The following ERI3 variants were observed in gnomAD, a reference collection of about 807,000 sequenced individuals.
The protein encoded by ERI3 is ERI1 exoribonuclease 3.
A neutral mutation model predicts 44.4 loss-of-function variants in ERI3; 18 were observed. The observed-to-expected ratio is 0.41, with a 90% CI of 0.28 to 0.60. The LOEUF (loss-of-function observed/expected upper bound fraction) is 0.60, where lower values mean the gene tolerates loss of function less well. ERI3 is among the 20% of genes least tolerant of loss of function. ERI3 has a pLI of 0.36. For synonymous variants in ERI3, 183 were observed against 164.8 expected, an observed-to-expected ratio of 1.11 and a Z score of -0.84; for missense variants, 294 against 435.5, an observed-to-expected ratio of 0.68 and a Z score of 2.89.
intron 7 of ERI3, among the ~76,000 whole-genome samples, chr1:44,259,689 G>GACACACAGACAC (rs1553185530): frequency 3.6e-5 from 5 of 140,282 alleles, no homozygotes; most frequent in African/African-American, 8.3e-5. Flanking sequence ...AAAACACACA[G>GACACACAGACAC]ACACACACAC....
chr1:44,319,918 C>A (rs1287548376), intron 3 of ERI3, among the ~76,000 whole-genome samples, 174 bp from the exon 4 acceptor site: 1 of 152,220 alleles, frequency 6.6e-6, no homozygotes, highest in East Asian at 1.9e-4. Flanking sequence ...AGTTACAATC[C>A]TAACCTTCCC....
intron 8 of ERI3, among the ~76,000 whole-genome samples, chr1:44,240,047 C>T (rs1184464840): frequency 2.6e-5 from 4 of 152,256 alleles, no homozygotes; most frequent in Non-Finnish European, 4.4e-5. Flanking sequence ...TGGGAGGGTA[C>T]AGCAGGGACC....
At chr1:44,336,210 T>G (rs1431357302) in intron 3 of ERI3, among the ~76,000 whole-genome samples, 2 of 152,206 alleles carry the variant, frequency 1.3e-5, no homozygotes, top group South Asian at 2.1e-4. Context: ...GAACCGGACC[T>G]ATGTTGACCT....
intron 2 of ERI3, among the ~76,000 whole-genome samples, chr1:44,347,879 TTGTGTGTGTGTG>T (rs113526509): frequency 4.0e-5 from 6 of 148,786 alleles, no homozygotes; most frequent in African/African-American, 7.4e-5. Flanking sequence ...GATTGTTTTG[TTGTGTGTGTGTG>T]TGTGTGTGTG....
chr1:44,284,697 G>T, intron 7 of ERI3, 138 bp downstream of exon 7: 1 of 680,092 alleles, frequency 1.5e-6, no homozygotes. Context: ...ATTAGCTAAG[G>T]AAAAGGATGA....
At chr1:44,253,589 C>T (rs1644725244) in intron 7 of ERI3, among the ~76,000 whole-genome samples, 1 of 152,208 alleles carries the variant, frequency 6.6e-6, no homozygotes, top group Admixed American at 6.5e-5. Context: ...CTCTGACATA[C>T]CTACCATCAA....
intron 6 of ERI3, among the ~76,000 whole-genome samples, chr1:44,293,804 C>T (rs968342865): frequency 6.6e-6 from 1 of 152,228 alleles, no homozygotes; most frequent in Non-Finnish European, 1.5e-5. Context: ...TCACTGTCTC[C>T]TGTGTGTCCT....
intron 5 of ERI3, among the ~76,000 whole-genome samples, chr1:44,310,951 T>G (rs1410057086): frequency 1.1e-5 from 1 of 95,024 alleles, no homozygotes; most frequent in African/African-American, 4.2e-5. Context: ...TATGTGCACA[T>G]CGCGCGCGCG....
At position 44,355,235 on chromosome 1, in the gene ERI3, A is replaced by ACGAGTCCACAACACAC; in HGVS notation, c.-225_-210dup. ...CGCCTGAACAGCGGCAGCCAGCACC[A>ACGAGTCCACAACACAC]CGAGTCCACAACACACCGACTCACC... On this transcript the variant is annotated 5_prime_UTR_variant, in exon 1 of 9. Coordinates refer to ENST00000372257, the MANE Select transcript of ERI3 (RefSeq NM_024066.3). 1 of 1,178,972 alleles carries ACGAGTCCACAACACAC rather than the reference A, an allele frequency of 8.5e-7. No individual in the cohort carries two copies. Among genetic ancestry groups the ACGAGTCCACAACACAC allele is most frequent in the Non-Finnish European group, 1.0e-6 (1 of 954,362 alleles). The allele number at this position is 1,178,972 out of a possible 1,614,324, so 73.0% of individuals were successfully genotyped here.
At chr1:44,354,503 T>C (rs2154332771) in intron 1 of ERI3, 1 of 985,426 alleles carries the variant, frequency 1.0e-6, no homozygotes, top group Middle Eastern at 5.2e-4. Flanking sequence ...GTTAGGCCCT[T>C]ATTCACTCCT....
intron 6 of ERI3, among the ~76,000 whole-genome samples, chr1:44,285,982 G>A (rs751589567): frequency 2.6e-5 from 4 of 152,170 alleles, no homozygotes; most frequent in African/African-American, 9.6e-5. Context: ...GAGAGAAACA[G>A]TAGTGGAAAA....
intron 4 of ERI3, among the ~76,000 whole-genome samples, chr1:44,314,610 G>A (rs1323061697): frequency 2.6e-5 from 4 of 152,176 alleles, no homozygotes; most frequent in African/African-American, 9.7e-5. Context: ...GAACTGCCCA[G>A]TAGAGGGAGG....
chr1:44,264,022 T>C (rs1233243461), intron 7 of ERI3, among the ~76,000 whole-genome samples: 3 of 152,152 alleles, frequency 2.0e-5, no homozygotes, highest in Admixed American at 6.5e-5. Context: ...CTTCCCTCAC[T>C]CCCTGAGTAT....
intron 8 of ERI3, among the ~76,000 whole-genome samples, chr1:44,229,632 G>A (rs2799479): frequency 1.6e-3 from 249 of 152,286 alleles, no homozygotes; most frequent in African/African-American, 5.6e-3. Flanking sequence ...CCATCAGTGC[G>A]GCCTGGGCAT....
At chr1:44,317,378 G>A (rs528140293) in intron 4 of ERI3, among the ~76,000 whole-genome samples, 4 of 152,238 alleles carry the variant, frequency 2.6e-5, no homozygotes, top group Admixed American at 6.5e-5. Flanking sequence ...TATGCCTCTC[G>A]GAGATACAAT....
chr1:44,251,329 A>T (rs977060671), intron 7 of ERI3, among the ~76,000 whole-genome samples: 85 of 152,250 alleles, frequency 5.6e-4, no homozygotes, highest in African/African-American at 2.0e-3. Context: ...ACTTGCCCTC[A>T]GGTGACTGCC....
chr1:44,225,228 ATAGAGGCCTCCAAGAGGCCTC>A (rs1316416899), intron 8 of ERI3, among the ~76,000 whole-genome samples: 1 of 152,138 alleles, frequency 6.6e-6, no homozygotes, highest in Non-Finnish European at 1.5e-5. Context: ...TGCACCCACA[ATAGAGGCCTCCAAGAGGCCTC>A]TACCTCACCT....
chr1:44,261,272 G>A (rs919334858), intron 7 of ERI3, among the ~76,000 whole-genome samples: 3 of 152,270 alleles, frequency 2.0e-5, no homozygotes, highest in South Asian at 4.1e-4. Context: ...ACGCCCCAGC[G>A]GGCAGGGCGC....
chr1:44,295,265 A>C (rs774298191), intron 6 of ERI3, among the ~76,000 whole-genome samples: 11 of 152,144 alleles, frequency 7.2e-5, no homozygotes, highest in Non-Finnish European at 1.5e-4. Context: ...TTGGGCTTTA[A>C]AATTCTGTTC....
Sources: gnomAD v4.1 joint callset for allele counts (sites outside exome capture counted in the v4.1 genomes callset) on GRCh38, gnomAD v4.1.1 for gene constraint, MANE v1.5 for transcripts, NCBI Gene and HGNC (gene_info 2026-07-23, HGNC 2026-07-21) for gene names.